The following ARHGEF10L variants were observed in gnomAD, a reference collection of about 807,000 sequenced individuals.
ARHGEF10L encodes the protein Rho guanine nucleotide exchange factor 10 like.
In ARHGEF10L, 69 loss-of-function variants were observed where a neutral mutation model predicts 141.2. The observed-to-expected ratio is 0.49, with a 90% CI of 0.40 to 0.60. The LOEUF (loss-of-function observed/expected upper bound fraction) is 0.60. ARHGEF10L is among the 20% of genes least tolerant of loss of function. The pLI, the probability that ARHGEF10L is intolerant of heterozygous loss-of-function variation, is 0.00. For synonymous variants in ARHGEF10L, 711 were observed against 718.5 expected (o/e 0.99, Z 0.17); for missense variants, 1,482 against 1,734.3 (o/e 0.85, Z 2.58).
chr1:17,686,570 T>G (rs1321511843), intron 26 of ARHGEF10L, among the ~76,000 whole-genome samples: 3 of 152,126 alleles, frequency 2.0e-5, no homozygotes, highest in Non-Finnish European at 4.4e-5. Context: ...AAGTGGAGTC[T>G]TCAGATGTTG....
In ARHGEF10L at chr1:17,621,389, C is replaced by T. The variant is rs535967562; in HGVS notation, c.943-475C>T. ...CTGGGACTATAGGCGCGTGCCACCA[C>T]GCCCAGCTGATTTTTGTATTTTTAC... is the stretch of plus-strand genomic sequence containing the variant. On this transcript the variant is annotated intron_variant, in intron 10 of 28. Coordinates refer to ENST00000361221, the MANE Select transcript of ARHGEF10L (RefSeq NM_018125.4). The surrounding 1 kb of genome is among the most constrained non-coding windows in gnomAD (Gnocchi z 4.1). Among the ~76,000 whole-genome samples, 3 of 152,198 alleles carry T rather than the reference C, an allele frequency of 2.0e-5. 1 individual carries two copies. Among genetic ancestry groups the T allele is most frequent in the South Asian group, 4.2e-4 (2 of 4,812 alleles).
intron 27 of ARHGEF10L, among the ~76,000 whole-genome samples, chr1:17,693,470 C>T (rs973638214): frequency 6.6e-6 from 1 of 152,164 alleles, no homozygotes; most frequent in Non-Finnish European, 1.5e-5. Context: ...GAGAGAGCCA[C>T]ACCATTTCTC....
intron 2 of ARHGEF10L, among the ~76,000 whole-genome samples, chr1:17,582,236 G>A (rs58325374): frequency 0.022 from 3,304 of 152,036 alleles, 106 homozygotes; most frequent in African/African-American, 0.072. Flanking sequence ...GCCCCATCCC[G>A]CCCCTGCTGC....
the ARHGEF10L span, among the ~76,000 whole-genome samples, chr1:17,534,591 ATTT>A: frequency 1.6e-5 from 2 of 125,070 alleles, no homozygotes. Flanking sequence ...CCATTTTCTG[ATTT>A]TTTTTTTTTT....
At chr1:17,608,922 T>TA (rs556366675) in intron 7 of ARHGEF10L, among the ~76,000 whole-genome samples, 6 of 152,192 alleles carry the variant, frequency 3.9e-5, no homozygotes, top group Non-Finnish European at 8.8e-5. Context: ...TAGCTGGGAT[T>TA]ACAGGCGTGC....
intron 4 of ARHGEF10L, among the ~76,000 whole-genome samples, chr1:17,588,838 G>A (rs1211001892): frequency 2.2e-5 from 3 of 138,866 alleles, no homozygotes; most frequent in African/African-American, 8.1e-5. Flanking sequence ...GCAAACAGCT[G>A]GAGGGTCCCC....
the ARHGEF10L span, among the ~76,000 whole-genome samples, chr1:17,525,820 T>A: frequency 6.6e-6 from 1 of 151,576 alleles, no homozygotes; most frequent in African/African-American, 2.4e-5. Context: ...CTGGCCAACA[T>A]GGTAAAACCC....
chr1:17,514,504 G>A, the ARHGEF10L span, among the ~76,000 whole-genome samples: 2 of 152,050 alleles, frequency 1.3e-5, no homozygotes, highest in Non-Finnish European at 2.9e-5. Context: ...TGGATCGCAT[G>A]GTATCACTAT....
In ARHGEF10L at chr1:17,632,450, G is replaced by A. The variant is rs775926515; in HGVS notation, c.1714G>A (p.Ala572Thr). ...VFLLNDMLVC[A>T]NINFKPANHR... ...CCTGCTCAACGACATGCTTGTCTGT[G>A]CCAACATCAACTTCAAGTAAGTGGG... is the stretch of plus-strand genomic sequence containing the variant. The change falls in exon 16 of 29, where the codon GCC becomes ACC. Residue 572 changes from alanine (A) to threonine (T), a missense_variant. Physicochemically the swap from Ala to Thr is moderately conservative, Grantham distance 58. Coordinates refer to ENST00000361221, the MANE Select transcript of ARHGEF10L (RefSeq NM_018125.4). The A allele has an allele frequency of 1.1e-5, 18 of 1,613,974 alleles. No individual in the cohort carries two copies. The African/African-American group carries it at 2.0e-4, about 18-fold the overall frequency.
chr1:17,664,667 C>T, intron 26 of ARHGEF10L, 72 bp downstream of exon 26: 10 of 1,407,822 alleles, frequency 7.1e-6, no homozygotes, highest in Non-Finnish European at 8.3e-6. Flanking sequence ...TTATGTCCAC[C>T]CCGGCACCGC....
chr1:17,599,853 T>C (rs1250618511), intron 4 of ARHGEF10L, among the ~76,000 whole-genome samples: 1 of 152,180 alleles, frequency 6.6e-6, no homozygotes, highest in African/African-American at 2.4e-5. Context: ...CCACTAGTCA[T>C]GTGTAGCTAT....
At chr1:17,675,272 A>C (rs1433315353) in intron 26 of ARHGEF10L, among the ~76,000 whole-genome samples, 1 of 152,230 alleles carries the variant, frequency 6.6e-6, no homozygotes, top group Non-Finnish European at 1.5e-5. Flanking sequence ...TGTGGGAAGC[A>C]GGGCAACCGC....
chr1:17,537,674 G>A (rs964553552), upstream of ARHGEF10L, among the ~76,000 whole-genome samples: 1 of 151,982 alleles, frequency 6.6e-6, no homozygotes, highest in African/African-American at 2.4e-5. Flanking sequence ...AAGGTAAGGG[G>A]CATCCTGAGC....
chr1:17,605,684 G>T (rs927442863), intron 6 of ARHGEF10L, among the ~76,000 whole-genome samples: 5 of 152,150 alleles, frequency 3.3e-5, no homozygotes, highest in Non-Finnish European at 4.4e-5. Context: ...TCTGCACAGG[G>T]CCGCTGGGAG....
intron 1 of ARHGEF10L, among the ~76,000 whole-genome samples, chr1:17,540,715 A>C (rs897194426): frequency 2.6e-5 from 4 of 152,138 alleles, no homozygotes; most frequent in Non-Finnish European, 5.9e-5. Context: ...GCGTTGCATC[A>C]GTGCCAAGTA....
chr1:17,566,928 GC>G lies in ARHGEF10L; in HGVS notation c.-43-13623del, dbSNP rs374984231. On this transcript the variant is annotated intron_variant, in intron 1 of 28. Transcript: ENST00000361221. The stretch of plus-strand genomic sequence containing the variant: ...TGGCTTTTCTGTCACCCTCTCGAAT[GC>G]CGTTGAACTTAAAAGTCCCCAGAGT... 1.3e-3 allele frequency among the ~76,000 whole-genome samples: 196 copies of G among 152,308 alleles called. 1 individual carries two copies. The highest frequency in any genetic ancestry group is 4.6e-3 in the African/African-American group (191 of 41,562).
chr1:17,587,028 G>A (rs142387982), intron 2 of ARHGEF10L, among the ~76,000 whole-genome samples: 146 of 152,280 alleles, frequency 9.6e-4, no homozygotes, highest in African/African-American at 3.3e-3. Flanking sequence ...CAAATAAAGT[G>A]TAGTGGGAAG....
In ARHGEF10L at chr1:17,697,690, A is replaced by G. The variant is rs1168449439; in HGVS notation, c.*310A>G. ...CTTGTTTGGGCCCTAGCGGGACTCC[A>G]AGGCAGCCACACGCCCCTCCTGGAA... On this transcript the variant is annotated 3_prime_UTR_variant, in exon 29 of 29. Transcript: ENST00000361221. This position sits in a 1 kb window ranked among gnomAD's most constrained non-coding sequence, Gnocchi z 4.8. 3 of 544,156 alleles carry G rather than the reference A, an allele frequency of 5.5e-6. No homozygotes were observed. The highest frequency in any genetic ancestry group is 4.4e-5 in the Admixed American group (2 of 45,074). The allele number at this position is 544,156 out of a possible 1,614,324, so 33.7% of individuals were successfully genotyped here. A position where few individuals can be genotyped will look rare whatever the true frequency, so the allele number is the denominator to read the frequency against.
chr1:17,520,049 C>G, the ARHGEF10L span, among the ~76,000 whole-genome samples: 1 of 152,196 alleles, frequency 6.6e-6, no homozygotes, highest in South Asian at 2.1e-4. Context: ...CCCAGGCCAG[C>G]GGGCAGTGGT....
Sources: gnomAD v4.1 joint callset for allele counts (sites outside exome capture counted in the v4.1 genomes callset) on GRCh38, gnomAD v4.1.1 for gene constraint, Gnocchi (gnomAD v3.1) non-coding constraint, MANE v1.5 for transcripts, NCBI Gene and HGNC (gene_info 2026-07-23, HGNC 2026-07-21) for gene names.